The following TSR1 variants were observed in gnomAD, a reference collection of about 807,000 sequenced individuals.
The protein encoded by TSR1 is TSR1 ribosome maturation factor.
A neutral mutation model predicts 90.9 loss-of-function variants in TSR1; 81 were observed. The observed-to-expected ratio is 0.89, with a 90% CI of 0.74 to 1.07. TSR1 has a LOEUF of 1.07. Ranked by LOEUF, TSR1 falls within the 50% of genes least tolerant of loss-of-function variation. The probability of loss-of-function intolerance (pLI) is 0.00; values close to 1 mark genes in which losing one functional copy is unlikely to be tolerated. For synonymous variants in TSR1, 362 were observed against 348.8 expected (o/e 1.04, Z -0.42); for missense variants, 989 against 987.3 (o/e 1.00, Z -0.02).
chr17:2,333,656 C>G lies in TSR1; in HGVS notation c.1042G>C (p.Asp348His), dbSNP rs2064023708. 1.2e-6 allele frequency: 2 copies of G among 1,614,060 alleles called. No individual in the cohort carries two copies. ...EEGLKVLMKADPGRQESLQAE... is the reference protein window; with the variant it reads ...EEGLKVLMKAHPGRQESLQAE... Reference sequence around the variant, plus strand: ...TGCAAGGATTCCTGTCTACCAGGGTCTGCCTTCATTAGGACTTTAAGACCT... The same window carrying G: ...TGCAAGGATTCCTGTCTACCAGGGTGTGCCTTCATTAGGACTTTAAGACCT... Residue 348 changes from aspartate (D) to histidine (H), a missense_variant, in exon 6 of 15, where the codon GAC becomes CAC. By Grantham distance (81) the Asp-to-His change is moderately conservative. Coordinates refer to ENST00000301364, the MANE Select transcript of TSR1 (RefSeq NM_018128.5).
chr17:2,332,081 C>T, intron 8 of TSR1, 88 bp downstream of exon 8: 1 of 1,481,196 alleles, frequency 6.8e-7, no homozygotes. Flanking sequence ...TGTTTTTCTT[C>T]TTTTGCATCA....
Position 2,323,299 on chromosome 17 carries a change from G to C in TSR1, c.*897C>G. 1 of 1,614,052 alleles carries C rather than the reference G, an allele frequency of 6.2e-7. No homozygotes were observed. Among genetic ancestry groups the C allele is most frequent in the Non-Finnish European group, 8.5e-7 (1 of 1,179,946 alleles). On this transcript the variant is annotated 3_prime_UTR_variant, in exon 15 of 15. Transcript: ENST00000301364. ...GGCTTGAACACCTGGCCTATTATCAGGGACCTTGTGGATGATATCTTCACT... is the reference window on the plus strand; with the variant it reads ...GGCTTGAACACCTGGCCTATTATCACGGACCTTGTGGATGATATCTTCACT...
In TSR1 at chr17:2,326,416, C is replaced by T. The variant is rs997363764; in HGVS notation, c.1904-996G>A. ...AGACAATCATTTCTGCTGCAAGTCC[C>T]GTCCAGTAGTCTCTCAGTATCTCAG... On this transcript the variant is annotated intron_variant, in intron 11 of 14. Transcript: ENST00000301364. Among the ~76,000 whole-genome samples the T allele has an allele frequency of 7.2e-5, 11 of 152,052 alleles. No individual in the cohort carries two copies. In the South Asian group the frequency reaches 1.7e-3, roughly 23 times the overall value.
chr17:2,323,016 C>A lies in TSR1; in HGVS notation c.*1180G>T. On this transcript the variant is annotated 3_prime_UTR_variant, in exon 15 of 15. Coordinates refer to ENST00000301364, the MANE Select transcript of TSR1 (RefSeq NM_018128.5). ...CTGACCTCAGCTGATCCACCCGCCT[C>A]GGGCTCCCAAAGTGTTGGGATTACA... 9.9e-7 allele frequency: 1 copy of A among 1,009,570 alleles called. No individual in the cohort carries two copies. Among genetic ancestry groups the A allele is most frequent in the Non-Finnish European group, 1.5e-6 (1 of 676,096 alleles). 62.5% of individuals were successfully genotyped at this position (1,009,570 alleles called of 1,614,324 possible).
intron 9 of TSR1, among the ~76,000 whole-genome samples, 155 bp from the exon 10 acceptor site, chr17:2,330,780 A>C (rs945385041): frequency 6.6e-6 from 1 of 152,168 alleles, no homozygotes; most frequent in African/African-American, 2.4e-5. Flanking sequence ...ACACTTTTTC[A>C]TTTAACATAG....
intron 12 of TSR1, 130 bp downstream of exon 12, chr17:2,325,174 C>A: frequency 1.4e-6 from 1 of 714,194 alleles, no homozygotes; most frequent in Non-Finnish European, 2.3e-6. Flanking sequence ...TAAATGAAGA[C>A]TTACTGTATT....
chr17:2,329,344 T>G lies in TSR1; in HGVS notation c.1902A>C (p.Ala634=). ...GAACCCAGCTTCCCCATTGCTAACC[T>G]GCAGTGTGCTGAGAGAATAAAGGTG... ...RASPLFSQHT[A]ADKHKLQRFL... is the part of the protein sequence containing the mutation. Residue 634 remains alanine (A), a splice_region_variant and synonymous_variant, in exon 11 of 15, where the codon GCA becomes GCC. Transcript: ENST00000301364. 6.2e-7 allele frequency: 1 copy of G among 1,614,146 alleles called. No individual in the cohort carries two copies. The highest frequency in any genetic ancestry group is 1.1e-5 in the South Asian group (1 of 91,080).
chr17:2,333,394 G>A (rs1597278681), intron 6 of TSR1, 163 bp downstream of exon 6: 2 of 936,452 alleles, frequency 2.1e-6, no homozygotes, highest in South Asian at 1.4e-5. Flanking sequence ...ACAAGACTGT[G>A]TATAATGTTT....
chr17:2,335,396 T>C lies in TSR1; in HGVS notation c.422-2A>G, dbSNP rs2064049046. 2 of 1,611,130 alleles carry C rather than the reference T, an allele frequency of 1.2e-6. No homozygotes were observed. Among genetic ancestry groups the C allele is most frequent in the African/African-American group, 2.7e-5 (2 of 74,054 alleles). On this transcript the variant is annotated splice_acceptor_variant, in intron 3 of 14. Coordinates refer to ENST00000301364, the MANE Select transcript of TSR1 (RefSeq NM_018128.5). LOFTEE classifies it high-confidence loss of function. ...TGTCTAACACAACGTGCAGATCCCC[T>C]GCAGATAGAAGACACAGTAAGAAGA...
intron 2 of TSR1, 51 bp downstream of exon 2, chr17:2,335,986 C>T (rs1162018857): frequency 3.2e-6 from 5 of 1,580,286 alleles, no homozygotes; most frequent in African/African-American, 1.3e-5. Flanking sequence ...GAGGCATTAG[C>T]CACCTAGAAC....
rs201755966 is a variant in TSR1, at chr17:2,332,344, C to T, written c.1321G>A (p.Glu441Lys). The T allele has an allele frequency of 3.1e-6, 5 of 1,602,976 alleles. No individual in the cohort carries two copies. The highest frequency in any genetic ancestry group is 4.5e-5 in the East Asian group (2 of 44,766). Residue 441 changes from glutamate (E) to lysine (K), a missense_variant, in exon 8 of 15, where the codon GAA becomes AAA. By Grantham distance (56) the Glu-to-Lys change is moderately conservative. Transcript: ENST00000301364. ...GTCATAGTTTCATATTCTTCCTCTT[C>T]TTCACTACTCTCATCCTGTAGAATA... ...EEESQDESSEEEEEYETMTIG... is the reference protein window; with the variant it reads ...EEESQDESSEKEEEYETMTIG...
In TSR1 at chr17:2,324,709, C is replaced by T. The variant is rs56279343; in HGVS notation, c.2141G>A (p.Arg714His). The change falls in exon 13 of 15, where the codon CGT becomes CAT. Residue 714 changes from arginine (R) to histidine (H), a missense_variant. By Grantham distance (29) the Arg-to-His change is conservative. Transcript: ENST00000301364. ...FKIFTKMAVV[R>H]YMFFNREDVL... ...CCCACCTCTGTTGAAGAACATGTAACGTACTACTGCCATCTTAGTAAAAAT... is the reference window on the plus strand; with the variant it reads ...CCCACCTCTGTTGAAGAACATGTAATGTACTACTGCCATCTTAGTAAAAAT... The T allele has an allele frequency of 5.9e-5, 95 of 1,614,106 alleles. No homozygotes were observed. Among genetic ancestry groups the T allele is most frequent in the Middle Eastern group, 1.6e-4 (1 of 6,062 alleles).
intron 4 of TSR1, 75 bp downstream of exon 4, chr17:2,335,185 G>C: frequency 6.8e-7 from 1 of 1,463,248 alleles, no homozygotes. Flanking sequence ...TGATCCATCA[G>C]TTGTATTCCT....
At position 2,334,753 on chromosome 17, in the gene TSR1, T is replaced by C. The variant is rs1247114859; in HGVS notation, c.700A>G (p.Arg234Gly). 1 of 1,614,222 alleles carries C rather than the reference T, an allele frequency of 6.2e-7. No individual in the cohort carries two copies. The highest frequency in any genetic ancestry group is 2.2e-5 in the East Asian group (1 of 44,892). The change falls in exon 5 of 15, where the codon AGG becomes GGG. Residue 234 changes from arginine to glycine, a missense_variant. Transcript: ENST00000301364. ...DTQQEAGMLL[R>G]QLANQKQQHL... The stretch of plus-strand genomic sequence containing the variant: ...TGTTGCTTCTGGTTAGCCAACTGCC[T>C]AAGCAGCATCCCTGCCTCCTGTTGA...
intron 11 of TSR1, chr17:2,329,117 C>T (rs763057484): frequency 1.3e-6 from 1 of 769,794 alleles, no homozygotes; most frequent in Non-Finnish European, 2.3e-6. Flanking sequence ...AACAAATACT[C>T]ATGGCAAAAA....
intron 8 of TSR1, 28 bp from the exon 9 acceptor site, chr17:2,331,137 T>C (rs780085918): frequency 1.3e-6 from 2 of 1,546,172 alleles, no homozygotes; most frequent in Non-Finnish European, 1.7e-6. Flanking sequence ...TTTAAAGACA[T>C]TAAGTCAGAT....
At position 2,336,392 on chromosome 17, in the gene TSR1, C is replaced by G; in HGVS notation, c.36G>C (p.Gln12His). 6.2e-7 allele frequency: 1 copy of G among 1,613,122 alleles called. No homozygotes were observed. Among genetic ancestry groups the G allele is most frequent in the East Asian group, 2.2e-5 (1 of 44,888 alleles). ...AAHRPGPLKQ[Q>H]NKAHKGGRHR... ...GCCGTCCGCCTTTATGAGCTTTATT[C>G]TGCTGCTTGAGCGGGCCGGGGCGGT... Residue 12 changes from glutamine (Q) to histidine (H), a missense_variant, in exon 1 of 15, where the codon CAG (glutamine) becomes CAC (histidine). Coordinates refer to ENST00000301364, the MANE Select transcript of TSR1 (RefSeq NM_018128.5).
In TSR1 at chr17:2,324,711, T is replaced by C; in HGVS notation, c.2139A>G (p.Val713=). Residue 713 remains valine, a synonymous_variant, in exon 13 of 15, where the codon GTA becomes GTG. Transcript: ENST00000301364. ...PFKIFTKMAV[V]RYMFFNREDV... is the part of the protein sequence containing the mutation. ...CACCTCTGTTGAAGAACATGTAACGTACTACTGCCATCTTAGTAAAAATTT... is the reference window on the plus strand; with the variant it reads ...CACCTCTGTTGAAGAACATGTAACGCACTACTGCCATCTTAGTAAAAATTT... The C allele has an allele frequency of 6.2e-7, 1 of 1,614,192 alleles. No individual in the cohort carries two copies. Among genetic ancestry groups the C allele is most frequent in the South Asian group, 1.1e-5 (1 of 91,082 alleles).
chr17:2,331,510 T>G (rs1458557335), intron 8 of TSR1, among the ~76,000 whole-genome samples: 1 of 145,006 alleles, frequency 6.9e-6, no homozygotes, highest in Non-Finnish European at 1.5e-5. Flanking sequence ...TTGTTTAAAG[T>G]GTGTAGCACC....
Sources: allele counts gnomAD v4.1 joint callset (sites outside exome capture counted in the v4.1 genomes callset), GRCh38; gene constraint gnomAD v4.1.1; transcripts MANE v1.5; gene names NCBI Gene and HGNC (gene_info 2026-07-23, HGNC 2026-07-21).